The following HSF2 variants were observed in gnomAD, a reference collection of about 807,000 sequenced individuals.
HSF2 encodes heat shock transcription factor 2.
In HSF2, 21 loss-of-function variants were observed where a neutral mutation model predicts 65.0. That is an observed-to-expected ratio of 0.32 (90% confidence interval 0.23 to 0.47). HSF2 has a LOEUF of 0.47. Among genes scored for constraint, HSF2 ranks in the 20% least tolerant of loss-of-function variants. HSF2 has a pLI of 1.00. For synonymous variants in HSF2, 225 were observed against 219.1 expected, an observed-to-expected ratio of 1.03 and a Z score of -0.24; for missense variants, 499 against 628.1, an observed-to-expected ratio of 0.79 and a Z score of 2.20.
At chr6:122,423,065 T>C (rs1774272062) in intron 9 of HSF2, 108 bp downstream of exon 9, 2 of 1,186,268 alleles carry the variant, frequency 1.7e-6, no homozygotes, top group African/African-American at 1.5e-5. Context: ...ACCCACATAG[T>C]CCACCTTTCT....
intron 11 of HSF2, 44 bp from the exon 12 acceptor site, chr6:122,431,384 CAT>C: frequency 2.2e-6 from 2 of 927,040 alleles, no homozygotes; most frequent in Non-Finnish European, 3.1e-6. Flanking sequence ...TTTTCAGAAA[CAT>C]AAAATATGAA....
intron 6 of HSF2, among the ~76,000 whole-genome samples, chr6:122,419,511 C>T (rs2114443912): frequency 6.6e-6 from 1 of 151,990 alleles, no homozygotes; most frequent in South Asian, 2.1e-4. Flanking sequence ...ATTAAAGTAG[C>T]ATTAGAAGGC....
intron 1 of HSF2, among the ~76,000 whole-genome samples, chr6:122,403,706 T>C (rs1246760763): frequency 6.6e-6 from 1 of 152,144 alleles, no homozygotes; most frequent in Non-Finnish European, 1.5e-5. Context: ...AAGTTTTCAT[T>C]TTTTTTAACA....
chr6:122,420,676 CAT>C (rs1318748685), intron 7 of HSF2, among the ~76,000 whole-genome samples: 3 of 108,830 alleles, frequency 2.8e-5, no homozygotes, highest in Non-Finnish European at 5.7e-5. Context: ...ATTTATTAAA[CAT>C]AGCGATTTAG....
chr6:122,414,574 A>G (rs1312521236), intron 4 of HSF2, among the ~76,000 whole-genome samples: 2 of 152,066 alleles, frequency 1.3e-5, no homozygotes, highest in Non-Finnish European at 2.9e-5. Flanking sequence ...AAAGAAAGTG[A>G]TCCCCAAATC....
intron 10 of HSF2, 114 bp from the exon 11 acceptor site, chr6:122,427,789 C>T (rs1469063994): frequency 1.7e-6 from 1 of 596,466 alleles, no homozygotes; most frequent in African/African-American, 1.9e-5. Context: ...TGTATAGAAG[C>T]TTCCTAGTGC....
At position 122,431,521 on chromosome 6, in the gene HSF2, A is replaced by G. The variant is rs754026389; in HGVS notation, c.1315+7A>G. On this transcript the variant is annotated splice_region_variant and intron_variant, in intron 12 of 12. Transcript: ENST00000368455. ...AAATCTAAATCCAAACCAGGTAGGT[A>G]TAAATATAGTATTCAGTCTCTGTAG... The G allele has an allele frequency of 1.6e-5, 24 of 1,484,964 alleles. No individual in the cohort carries two copies. Among genetic ancestry groups the G allele is most frequent in the Non-Finnish European group, 2.2e-5 (23 of 1,068,584 alleles). The allele number at this position is 1,484,964 out of a possible 1,614,324, so 92.0% of individuals were successfully genotyped here. A position where few individuals can be genotyped will look rare whatever the true frequency, so the allele number is the denominator to read the frequency against.
At position 122,420,124 on chromosome 6, in the gene HSF2, C is replaced by G. The variant is rs762612955; in HGVS notation, c.594-11C>G. The G allele has an allele frequency of 6.3e-7, 1 of 1,598,174 alleles. No individual in the cohort carries two copies. Among genetic ancestry groups the G allele is most frequent in the South Asian group, 1.1e-5 (1 of 87,606 alleles). The stretch of plus-strand genomic sequence containing the variant: ...TTGCTTCACTGAACTGCATATTCTT[C>G]TGGTTTTCAGGCCTCTACTTCTAAA... On this transcript the variant is annotated splice_polypyrimidine_tract_variant and intron_variant, in intron 6 of 12. Transcript: ENST00000368455.
chr6:122,416,698 G>T (rs976534618), intron 5 of HSF2, among the ~76,000 whole-genome samples: 1 of 152,060 alleles, frequency 6.6e-6, no homozygotes, highest in Non-Finnish European at 1.5e-5. Context: ...GAAGATAAAT[G>T]ACAAATATTT....
rs374775747 is a variant in HSF2, at chr6:122,399,731, G to C, written c.-7G>C. 3.1e-6 allele frequency: 5 copies of C among 1,608,966 alleles called. No individual in the cohort carries two copies. The highest frequency in any genetic ancestry group is 4.2e-6 in the Non-Finnish European group (5 of 1,177,516). ...GTAGAATTTGGAATCCCTGCGCCGC[G>C]TTAACAATGAAGCAGAGTTCGAACG... On this transcript the variant is annotated 5_prime_UTR_variant, in exon 1 of 13. Transcript: ENST00000368455.
At chr6:122,413,782 T>C in intron 4 of HSF2, 133 bp downstream of exon 4, 3 of 734,338 alleles carry the variant, frequency 4.1e-6, no homozygotes, top group Non-Finnish European at 6.8e-6. Context: ...TCAAAGGTCA[T>C]TTTTCTGCAA....
chr6:122,424,014 T>G (rs1406754753), intron 10 of HSF2, among the ~76,000 whole-genome samples: 1 of 152,214 alleles, frequency 6.6e-6, no homozygotes. Flanking sequence ...TAAATAGAAA[T>G]TTGTGGAAAT....
intron 12 of HSF2, 116 bp from the exon 13 acceptor site, chr6:122,431,809 T>C: frequency 1.2e-6 from 1 of 818,130 alleles, no homozygotes; most frequent in South Asian, 1.8e-5. Context: ...TCATTTCTTG[T>C]TTGGCTATAT....
chr6:122,428,317 A>T (rs573207534), intron 11 of HSF2, among the ~76,000 whole-genome samples: 2 of 152,146 alleles, frequency 1.3e-5, no homozygotes, highest in East Asian at 3.9e-4. Context: ...TTTATTAAAA[A>T]GTTATAGTAC....
At chr6:122,431,569 A>G in intron 12 of HSF2, 55 bp downstream of exon 12, 1 of 987,326 alleles carries the variant, frequency 1.0e-6, no homozygotes, top group South Asian at 1.5e-5. Context: ...CTATGCAGAA[A>G]CAAGTGCAAG....
chr6:122,426,890 T>C (rs1774349555), intron 10 of HSF2, among the ~76,000 whole-genome samples: 1 of 152,010 alleles, frequency 6.6e-6, no homozygotes, highest in Admixed American at 6.6e-5. Context: ...ATATAACTTA[T>C]TCAACTTAGA....
chr6:122,414,232 G>A (rs976247893), intron 4 of HSF2, among the ~76,000 whole-genome samples: 7 of 152,136 alleles, frequency 4.6e-5, no homozygotes, highest in Non-Finnish European at 8.8e-5. Context: ...TACCATTATT[G>A]TAACTTGCCA....
chr6:122,410,900 G>A (rs572609047), intron 1 of HSF2, among the ~76,000 whole-genome samples: 1 of 147,036 alleles, frequency 6.8e-6, no homozygotes, highest in Non-Finnish European at 1.5e-5. Context: ...TGTTCAAGTC[G>A]TTGCTTTTAT....
At chr6:122,403,368 G>C (rs1215771204) in intron 1 of HSF2, among the ~76,000 whole-genome samples, 1 of 152,176 alleles carries the variant, frequency 6.6e-6, no homozygotes, top group Non-Finnish European at 1.5e-5. Flanking sequence ...CACTTTGGGA[G>C]GCCAAGATGG....
Sources: gnomAD v4.1 joint callset for allele counts (sites outside exome capture counted in the v4.1 genomes callset) on GRCh38, gnomAD v4.1.1 for gene constraint, MANE v1.5 for transcripts, NCBI Gene and HGNC (gene_info 2026-07-23, HGNC 2026-07-21) for gene names.